Variants in LRRFIP1 observed in about 807,000 individuals in gnomAD.
The protein encoded by LRRFIP1 is LRR binding FLII interacting protein 1.
Under a neutral mutation model 104.4 loss-of-function variants are expected in LRRFIP1, and 62 were observed. The observed-to-expected ratio is 0.59, with a 90% confidence interval of 0.48 to 0.73. The LOEUF (loss-of-function observed/expected upper bound fraction) is 0.73, where lower values mean the gene tolerates loss of function less well. Ranked by LOEUF, LRRFIP1 falls within the 30% of genes least tolerant of loss-of-function variation. The pLI, the probability that LRRFIP1 is intolerant of heterozygous loss-of-function variation, is 0.00. For missense variants in LRRFIP1, 796 were observed against 824.5 expected (o/e 0.97, Z 0.42); for synonymous variants, 300 against 299.0 (o/e 1.00, Z -0.03).
chr2:237,723,828 C>T (rs2094625802), intron 7 of LRRFIP1, among the ~76,000 whole-genome samples: 1 of 152,244 alleles, frequency 6.6e-6, no homozygotes, highest in Non-Finnish European at 1.5e-5. Flanking sequence ...CACTCCCTCA[C>T]CAGATGGCCT....
chr2:237,748,875 T>C (rs1178285534), intron 12 of LRRFIP1, among the ~76,000 whole-genome samples: 2 of 152,238 alleles, frequency 1.3e-5, no homozygotes, highest in East Asian at 1.9e-4. Context: ...AAAAGAGCTT[T>C]AATTGACTCA....
rs1180958526 is a variant in LRRFIP1 at position 237,763,095 on chromosome 2, C to G, written c.1459+2890C>G. On this transcript the variant is annotated intron_variant, in intron 19 of 23. Transcript: ENST00000308482. Reference sequence around the variant, plus strand: ...GATGACAAATGTATGGTAGAGGTCCCCCAAGAGTTAGAGACAAGCACAGGG... The same window carrying G: ...GATGACAAATGTATGGTAGAGGTCCGCCAAGAGTTAGAGACAAGCACAGGG... 1.9e-6 allele frequency: 3 copies of G among 1,614,094 alleles called. No individual in the cohort carries two copies. The East Asian group carries it at 6.7e-5, about 36-fold the overall frequency.
intron 3 of LRRFIP1, among the ~76,000 whole-genome samples, chr2:237,716,293 C>G (rs1015774469): frequency 6.6e-6 from 1 of 152,160 alleles, no homozygotes; most frequent in African/African-American, 2.4e-5. Context: ...TAAAACATGA[C>G]TTTGGGATGT....
chr2:237,697,885 A>G (rs2093297138), intron 1 of LRRFIP1, among the ~76,000 whole-genome samples: 1 of 152,222 alleles, frequency 6.6e-6, no homozygotes, highest in Admixed American at 6.5e-5. Context: ...ATGTTGAGGC[A>G]ATTGAAGGAA....
intron 19 of LRRFIP1, chr2:237,763,849 A>G: frequency 6.2e-7 from 1 of 1,614,230 alleles, no homozygotes. Context: ...GTGCCACTCA[A>G]AGCAGTCCTG....
chr2:237,640,907 G>GC, intron 1 of LRRFIP1, among the ~76,000 whole-genome samples: 1 of 152,134 alleles, frequency 6.6e-6, no homozygotes, highest in Non-Finnish European at 1.5e-5. Context: ...CAAAAGGCGT[G>GC]CATCTCAGCC....
intron 1 of LRRFIP1, among the ~76,000 whole-genome samples, chr2:237,668,042 C>A (rs993689739): frequency 6.6e-6 from 1 of 152,050 alleles, no homozygotes; most frequent in Non-Finnish European, 1.5e-5. Flanking sequence ...AACTTGACAC[C>A]CCCCTTTCCC....
intron 23 of LRRFIP1, among the ~76,000 whole-genome samples, chr2:237,778,534 G>T (rs758295843): frequency 3.3e-5 from 5 of 152,246 alleles, no homozygotes; most frequent in Non-Finnish European, 7.3e-5. Context: ...GGCTGCCAGG[G>T]CTGTGGGGAC....
At chr2:237,714,892 T>C (rs549861758) in intron 3 of LRRFIP1, among the ~76,000 whole-genome samples, 1 of 152,294 alleles carries the variant, frequency 6.6e-6, no homozygotes, top group South Asian at 2.1e-4. Flanking sequence ...CTAGCAAAAA[T>C]GAAGTCAGAA....
intron 7 of LRRFIP1, among the ~76,000 whole-genome samples, chr2:237,724,590 T>TA (rs1358683979): frequency 5.3e-5 from 8 of 152,192 alleles, no homozygotes; most frequent in African/African-American, 1.9e-4. Context: ...ATCTGTTACT[T>TA]ACCTACAGAG....
intron 13 of LRRFIP1, among the ~76,000 whole-genome samples, chr2:237,750,032 G>A (rs2058384659): frequency 6.6e-6 from 1 of 152,080 alleles, no homozygotes; most frequent in African/African-American, 2.4e-5. Flanking sequence ...GCAGCTGAAA[G>A]GAGCCAGAAC....
intron 8 of LRRFIP1, among the ~76,000 whole-genome samples, chr2:237,732,448 T>C (rs1395696835): frequency 6.6e-6 from 1 of 152,246 alleles, no homozygotes; most frequent in Non-Finnish European, 1.5e-5. Flanking sequence ...GCTCCTTCCC[T>C]TTCCTTCTGT....
intron 8 of LRRFIP1, 62 bp downstream of exon 8, chr2:237,727,997 TA>T: frequency 8.6e-7 from 1 of 1,164,036 alleles, no homozygotes; most frequent in Non-Finnish European, 1.2e-6. Context: ...CTTCTAGAAC[TA>T]AAAACTAATT....
chr2:237,727,709 A>G (rs2094815810), intron 7 of LRRFIP1, among the ~76,000 whole-genome samples, 167 bp from the exon 8 acceptor site: 1 of 152,214 alleles, frequency 6.6e-6, no homozygotes, highest in South Asian at 2.1e-4. Context: ...AGACGGCGGC[A>G]GGGATGCAGT....
At chr2:237,763,880 G>T in intron 19 of LRRFIP1, 1 of 1,614,242 alleles carries the variant, frequency 6.2e-7, no homozygotes, top group Non-Finnish European at 8.5e-7. Flanking sequence ...GAGCGAAGAC[G>T]CAGATCGCTG....
At chr2:237,773,325 G>A (rs547768969) in intron 22 of LRRFIP1, among the ~76,000 whole-genome samples, 1 of 152,158 alleles carries the variant, frequency 6.6e-6, no homozygotes, top group Non-Finnish European at 1.5e-5. Flanking sequence ...ATCACTGAAG[G>A]TCGAGAGTTC....
intron 1 of LRRFIP1, among the ~76,000 whole-genome samples, chr2:237,641,136 G>A (rs968199119): frequency 6.6e-6 from 1 of 152,058 alleles, no homozygotes; most frequent in East Asian, 1.9e-4. Context: ...AGCACTTTGG[G>A]AGGCTGAGGC....
At chr2:237,741,083 T>C (rs908800005) in intron 11 of LRRFIP1, among the ~76,000 whole-genome samples, 2 of 152,044 alleles carry the variant, frequency 1.3e-5, no homozygotes, top group Admixed American at 1.3e-4. Context: ...CCCCTCCCCA[T>C]CCCAGAGCCC....
chr2:237,686,626 C>G (rs1274589556), intron 1 of LRRFIP1, among the ~76,000 whole-genome samples: 3 of 152,180 alleles, frequency 2.0e-5, no homozygotes, highest in Non-Finnish European at 4.4e-5. Context: ...GGTTCAGTAC[C>G]CAGGTCACAG....
Sources: gnomAD v4.1 joint callset for allele counts (sites outside exome capture counted in the v4.1 genomes callset) on GRCh38, gnomAD v4.1.1 for gene constraint, MANE v1.5 for transcripts, NCBI Gene and HGNC (gene_info 2026-07-23, HGNC 2026-07-21) for gene names.